The following SCFD2 variants were observed in gnomAD, a reference collection of about 807,000 sequenced individuals.
The protein encoded by SCFD2 is sec1 family domain-containing protein 2.
A neutral mutation model predicts 58.9 loss-of-function variants in SCFD2; 54 were observed. The observed-to-expected ratio is 0.92, with a 90% CI of 0.74 to 1.15. The LOEUF (loss-of-function observed/expected upper bound fraction) is 1.15, where lower values mean the gene tolerates loss of function less well. Among genes scored for constraint, SCFD2 ranks in the 50% most tolerant of loss-of-function variants. The probability of loss-of-function intolerance (pLI) is 0.00; values close to 1 mark genes in which losing one functional copy is unlikely to be tolerated. For synonymous variants in SCFD2, 321 were observed against 335.9 expected (o/e 0.96, Z 0.49); for missense variants, 805 against 836.6 (o/e 0.96, Z 0.47).
chr4:52,888,955 G>C (rs1423462897), intron 7 of SCFD2, among the ~76,000 whole-genome samples: 2 of 152,156 alleles, frequency 1.3e-5, no homozygotes, highest in Non-Finnish European at 2.9e-5. Flanking sequence ...TTTCAAATGT[G>C]ATCCATGATC....
intron 4 of SCFD2, among the ~76,000 whole-genome samples, chr4:53,201,497 G>C (rs1728238228): frequency 1.3e-5 from 2 of 152,142 alleles, no homozygotes; most frequent in Admixed American, 1.3e-4. Context: ...ATGTGCATGT[G>C]TCTTTATAGC....
At chr4:53,215,962 C>T (rs571812711) in intron 4 of SCFD2, among the ~76,000 whole-genome samples, 156 of 152,098 alleles carry the variant, frequency 1.0e-3, no homozygotes, top group African/African-American at 3.6e-3. Context: ...GATTTGCTTA[C>T]GTTGAACCAG....
chr4:53,091,909 C>G (rs561578016), intron 5 of SCFD2, among the ~76,000 whole-genome samples: 123 of 152,144 alleles, frequency 8.1e-4, no homozygotes, highest in African/African-American at 2.9e-3. Flanking sequence ...TGATATTATG[C>G]TGGAATATCA....
intron 5 of SCFD2, among the ~76,000 whole-genome samples, chr4:52,954,155 T>G (rs368285847): frequency 5.3e-5 from 8 of 152,228 alleles, no homozygotes; most frequent in African/African-American, 1.9e-4. Flanking sequence ...CACATCCATT[T>G]TCCATTCTTG....
intron 4 of SCFD2, among the ~76,000 whole-genome samples, chr4:53,149,021 A>G (rs1726426659): frequency 6.6e-6 from 1 of 152,220 alleles, no homozygotes; most frequent in Non-Finnish European, 1.5e-5. Flanking sequence ...TTAATGCTCA[A>G]AGAAGAAAAG....
At chr4:53,067,364 C>T (rs1397209419) in intron 5 of SCFD2, among the ~76,000 whole-genome samples, 6 of 151,994 alleles carry the variant, frequency 3.9e-5, no homozygotes, top group Admixed American at 2.0e-4. Flanking sequence ...AATCAAGGCT[C>T]TCTGGGGTCA....
intron 4 of SCFD2, among the ~76,000 whole-genome samples, chr4:53,225,563 C>T (rs1485190116): frequency 2.0e-5 from 3 of 152,094 alleles, no homozygotes; most frequent in South Asian, 2.1e-4. Context: ...TTGATAACAC[C>T]CTATATAAAA....
chr4:53,186,943 T>C (rs1036791041), intron 4 of SCFD2, among the ~76,000 whole-genome samples: 1 of 152,024 alleles, frequency 6.6e-6, no homozygotes, highest in African/African-American at 2.4e-5. Context: ...ACGCATGACA[T>C]AATGTCTTCC....
intron 5 of SCFD2, among the ~76,000 whole-genome samples, chr4:52,958,474 C>T (rs780210284): frequency 6.6e-6 from 1 of 152,206 alleles, no homozygotes; most frequent in South Asian, 2.1e-4. Context: ...CAGTAACATT[C>T]CATAACATGG....
At chr4:52,992,451 C>T (rs940396638) in intron 5 of SCFD2, among the ~76,000 whole-genome samples, 73 of 152,356 alleles carry the variant, frequency 4.8e-4, no homozygotes, top group Admixed American at 1.4e-3. Context: ...GCCGCCACCC[C>T]GTCTGGGAAG....
chr4:53,183,196 C>T (rs372723022), intron 4 of SCFD2, among the ~76,000 whole-genome samples: 22 of 152,090 alleles, frequency 1.4e-4, no homozygotes, highest in Admixed American at 3.9e-4. Context: ...TAAAGACACA[C>T]GCACACGTAT....
intron 5 of SCFD2, among the ~76,000 whole-genome samples, chr4:53,141,007 C>A (rs1459375633): frequency 6.6e-6 from 1 of 152,162 alleles, no homozygotes; most frequent in Non-Finnish European, 1.5e-5. Context: ...ACTCCCTAAT[C>A]CTTAATGTTG....
chr4:53,097,256 G>A (rs571804102), intron 5 of SCFD2, among the ~76,000 whole-genome samples: 4 of 152,062 alleles, frequency 2.6e-5, no homozygotes, highest in Non-Finnish European at 4.4e-5. Context: ...GTGAAGAAAG[G>A]CATTGGTAGC....
rs389201 is a variant in SCFD2, at chr4:53,239,219, G to A, written c.1311+34607C>T. Among the ~76,000 whole-genome samples, 6 of 152,002 alleles carry A rather than the reference G, an allele frequency of 3.9e-5. No individual in the cohort carries two copies. In the East Asian group the frequency reaches 1.2e-3, roughly 29 times the overall value. On this transcript the variant is annotated intron_variant, in intron 4 of 8. Transcript: ENST00000401642. The stretch of plus-strand genomic sequence containing the variant: ...ACCAAAACCAGTCAGGCGTGGCGGC[G>A]CGAGTCTGCAATCGCAGGCACTCGG...
At chr4:52,917,725 T>A (rs1449087684) in intron 6 of SCFD2, among the ~76,000 whole-genome samples, 1 of 152,140 alleles carries the variant, frequency 6.6e-6, no homozygotes, top group African/African-American at 2.4e-5. Context: ...GGAGGTCTAG[T>A]CCAGATCCCA....
At chr4:52,945,902 T>C (rs1169752713) in intron 5 of SCFD2, 1 of 152,232 alleles carries the variant, frequency 6.6e-6, no homozygotes, top group Non-Finnish European at 1.5e-5. Context: ...GAGTTTGGGA[T>C]TTATACATCG....
chr4:53,319,295 A>T (rs1732955770), intron 2 of SCFD2, among the ~76,000 whole-genome samples: 1 of 152,184 alleles, frequency 6.6e-6, no homozygotes, highest in Non-Finnish European at 1.5e-5. Flanking sequence ...AAAATTAGCC[A>T]TTGACAGTCA....
At chr4:53,288,547 A>C (rs569725535) in intron 3 of SCFD2, among the ~76,000 whole-genome samples, 3 of 152,364 alleles carry the variant, frequency 2.0e-5, no homozygotes, top group East Asian at 3.9e-4. Context: ...TTCTAAACAG[A>C]AACTTTGCAG....
At chr4:53,025,128 G>C (rs1360382452) in intron 5 of SCFD2, among the ~76,000 whole-genome samples, 2 of 152,274 alleles carry the variant, frequency 1.3e-5, no homozygotes, top group Admixed American at 6.5e-5. Context: ...GAAGAAGGGG[G>C]TAAGAAATAG....
Sources: allele counts gnomAD v4.1 joint callset (sites outside exome capture counted in the v4.1 genomes callset), GRCh38; gene constraint gnomAD v4.1.1; transcripts MANE v1.5; gene names NCBI Gene and HGNC (gene_info 2026-07-23, HGNC 2026-07-21).